The following PCDHA6 variants were observed in gnomAD, a reference collection of about 807,000 sequenced individuals.
The protein encoded by PCDHA6 is protocadherin alpha-6.
Under a neutral mutation model 60.3 loss-of-function variants are expected in PCDHA6, and 55 were observed. The ratio of observed to expected loss-of-function variants is 0.91; its 90% CI spans 0.73 to 1.14. The LOEUF is 1.14. Among genes scored for constraint, PCDHA6 ranks in the 50% most tolerant of loss-of-function variants. The probability of loss-of-function intolerance (pLI) is 0.00; values close to 1 mark genes in which losing one functional copy is unlikely to be tolerated. For missense variants in PCDHA6, 1,327 were observed against 1,256.5 expected (o/e 1.06, Z -0.85); for synonymous variants, 652 against 557.9 (o/e 1.17, Z -2.38).
chr5:140,927,306 G>T (rs782091835), intron 1 of PCDHA6: 10 of 1,614,040 alleles, frequency 6.2e-6, no homozygotes, highest in Non-Finnish European at 5.9e-6. Context: ...AGTTCCTGAC[G>T]CCCGGAGCCC....
At chr5:140,899,255 C>A (rs532751288) in intron 1 of PCDHA6, among the ~76,000 whole-genome samples, 1 of 152,258 alleles carries the variant, frequency 6.6e-6, no homozygotes, top group East Asian at 1.9e-4. Flanking sequence ...GAGAGGGCAT[C>A]CCTGTCTTGT....
chr5:140,963,766 A>G (rs574963836), intron 1 of PCDHA6, among the ~76,000 whole-genome samples: 1 of 152,372 alleles, frequency 6.6e-6, no homozygotes, highest in South Asian at 2.1e-4. Flanking sequence ...GTTGTATTTC[A>G]TGACGACAGC....
intron 1 of PCDHA6, chr5:140,968,847 A>G (rs781874732): frequency 8.7e-6 from 14 of 1,614,222 alleles, no homozygotes; most frequent in Middle Eastern, 1.6e-4. Context: ...ACTCAGAGGC[A>G]TGTTAAGAGC....
Position 140,841,931 on chromosome 5 carries a change from G to T in PCDHA6, c.2394+11446G>T, listed in dbSNP as rs1554138650. ...ATTAAGAAAATCCTTGGACAGAGAG[G>T]ACGCTCCTGCGCACCACTTATTCCT... On this transcript the variant is annotated intron_variant, in intron 1 of 3. Coordinates refer to ENST00000529310, the MANE Select transcript of PCDHA6 (RefSeq NM_018909.4). The T allele has an allele frequency of 4.3e-6, 7 of 1,613,782 alleles. No homozygotes were observed. In the African/African-American group the frequency reaches 9.4e-5, roughly 22 times the overall value.
At chr5:140,913,523 T>G (rs2076374733) in intron 1 of PCDHA6, among the ~76,000 whole-genome samples, 2 of 152,156 alleles carry the variant, frequency 1.3e-5, no homozygotes, top group Admixed American at 6.5e-5. Context: ...TATTTATCTT[T>G]TCAAAAGATT....
chr5:140,940,494 G>C (rs553813143), intron 1 of PCDHA6, among the ~76,000 whole-genome samples: 1 of 151,724 alleles, frequency 6.6e-6, no homozygotes, highest in East Asian at 1.9e-4. Context: ...GACAAGTCTT[G>C]CTCCGTCGCT....
chr5:140,873,889 G>T (rs1373623503), intron 1 of PCDHA6, among the ~76,000 whole-genome samples: 2 of 152,182 alleles, frequency 1.3e-5, no homozygotes, highest in South Asian at 4.1e-4. Context: ...TTGAACTCCT[G>T]ACCTCAGGTG....
At chr5:140,854,902 A>G (rs2043266382) in intron 1 of PCDHA6, among the ~76,000 whole-genome samples, 1 of 150,050 alleles carries the variant, frequency 6.7e-6, no homozygotes, top group African/African-American at 2.4e-5. Flanking sequence ...AAGCGTAAAT[A>G]TAACAGGGTT....
chr5:140,834,601 A>T (rs1377152360), intron 1 of PCDHA6: 1 of 1,613,930 alleles, frequency 6.2e-7, no homozygotes, highest in Non-Finnish European at 8.5e-7. Flanking sequence ...TTCCGTGGGG[A>T]TCTTCTGGAG....
chr5:140,990,956 G>T (rs1179435982), intron 3 of PCDHA6, among the ~76,000 whole-genome samples: 1 of 152,136 alleles, frequency 6.6e-6, no homozygotes, highest in Non-Finnish European at 1.5e-5. Context: ...TGTAGAAATA[G>T]TCTCTTAGAA....
chr5:140,948,839 G>A (rs2094310723), intron 1 of PCDHA6, among the ~76,000 whole-genome samples: 1 of 151,152 alleles, frequency 6.6e-6, no homozygotes, highest in African/African-American at 2.4e-5. Flanking sequence ...GCTTTTGTCT[G>A]TATTATTTGC....
At chr5:140,887,459 G>T (rs532781133) in intron 1 of PCDHA6, among the ~76,000 whole-genome samples, 4 of 152,126 alleles carry the variant, frequency 2.6e-5, no homozygotes, top group Non-Finnish European at 5.9e-5. Flanking sequence ...TTTTTTAAAA[G>T]ATATAATTCA....
chr5:140,909,784 C>T (rs1380024637), intron 1 of PCDHA6, among the ~76,000 whole-genome samples: 1 of 152,154 alleles, frequency 6.6e-6, no homozygotes, highest in African/African-American at 2.4e-5. Context: ...TGGACCCACT[C>T]TAAGTCAGAC....
intron 1 of PCDHA6, among the ~76,000 whole-genome samples, chr5:140,890,244 C>T (rs1404459938): frequency 6.6e-6 from 1 of 152,052 alleles, no homozygotes; most frequent in Non-Finnish European, 1.5e-5. Flanking sequence ...TTTACCAGTA[C>T]ACTACTGCAC....
intron 3 of PCDHA6, among the ~76,000 whole-genome samples, chr5:140,987,478 T>A (rs2097255782): frequency 6.6e-6 from 1 of 152,104 alleles, no homozygotes. Flanking sequence ...AGCTTGGGAG[T>A]CAGTGACCCT....
At chr5:140,834,869 C>T (rs782789738) in intron 1 of PCDHA6, 1 of 1,609,230 alleles carries the variant, frequency 6.2e-7, no homozygotes, top group Non-Finnish European at 8.5e-7. Flanking sequence ...ATGCAGATAT[C>T]GGGGAGAACG....
intron 1 of PCDHA6, chr5:140,856,159 G>A (rs1554148275): frequency 6.3e-7 from 1 of 1,598,348 alleles, no homozygotes; most frequent in Non-Finnish European, 8.6e-7. Context: ...TCTACGAGGA[G>A]GCCAGACACG....
At chr5:140,929,050 C>T (rs946542782) in intron 1 of PCDHA6, 11 of 1,614,026 alleles carry the variant, frequency 6.8e-6, no homozygotes, top group African/African-American at 5.3e-5. Flanking sequence ...GAGCTGCTGT[C>T]GCTCTACAGA....
rs1236174883 is a variant in PCDHA6 at position 140,948,633 on chromosome 5, C to T, written c.2395-30316C>T. Among the ~76,000 whole-genome samples the T allele has an allele frequency of 2.6e-5, 4 of 151,768 alleles. No individual in the cohort carries two copies. The East Asian group carries it at 7.7e-4, about 29-fold the overall frequency. ...GGCACAAAGTTGTTAATAATATTCTCTCATCTTTTAACGTCTGTATAATCT... is the reference window on the plus strand; with the variant it reads ...GGCACAAAGTTGTTAATAATATTCTTTCATCTTTTAACGTCTGTATAATCT... On this transcript the variant is annotated intron_variant, in intron 1 of 3. Transcript: ENST00000529310.
Sources: gnomAD v4.1 joint callset for allele counts (sites outside exome capture counted in the v4.1 genomes callset) on GRCh38, gnomAD v4.1.1 for gene constraint, MANE v1.5 for transcripts, NCBI Gene and HGNC (gene_info 2026-07-23, HGNC 2026-07-21) for gene names.